Variants in DLGAP2 observed in about 807,000 individuals in gnomAD.
DLGAP2 encodes disks large-associated protein 2.
A neutral mutation model predicts 100.3 loss-of-function variants in DLGAP2; 26 were observed. That is an observed-to-expected ratio of 0.26 (90% CI 0.19 to 0.36). The LOEUF is 0.36. Among genes scored for constraint, DLGAP2 ranks in the 10% least tolerant of loss-of-function variants. The probability of loss-of-function intolerance (pLI) is 1.00; values close to 1 mark genes in which losing one functional copy is unlikely to be tolerated. For synonymous variants in DLGAP2, 886 were observed against 630.1 expected (o/e 1.41, Z -6.08); for missense variants, 1,858 against 1,453.2 (o/e 1.28, Z -4.53).
At chr8:1,417,702 C>T in intron 3 of DLGAP2, among the ~76,000 whole-genome samples, 1 of 146,228 alleles carries the variant, frequency 6.8e-6, no homozygotes, top group Non-Finnish European at 1.5e-5. Context: ...GGGCCCCACT[C>T]CTGCCTCACT....
At chr8:1,531,949 C>G (rs1294409543) in intron 4 of DLGAP2, among the ~76,000 whole-genome samples, 5 of 152,168 alleles carry the variant, frequency 3.3e-5, no homozygotes, top group African/African-American at 1.2e-4. Flanking sequence ...TGGGGCGCAG[C>G]TTGGTTTTAC....
intron 8 of DLGAP2, among the ~76,000 whole-genome samples, chr8:1,667,150 C>T (rs867075701): frequency 2.0e-5 from 3 of 152,206 alleles, no homozygotes; most frequent in Non-Finnish European, 2.9e-5. Context: ...ATCAGCTCTT[C>T]CTGTGCACTA....
At chr8:1,420,414 T>A (rs1429175102) in intron 3 of DLGAP2, among the ~76,000 whole-genome samples, 1 of 152,176 alleles carries the variant, frequency 6.6e-6, no homozygotes, top group Non-Finnish European at 1.5e-5. Context: ...TCTGCGATTC[T>A]CTCTTCCACT....
At chr8:1,599,608 G>C (rs1377467652) in intron 6 of DLGAP2, among the ~76,000 whole-genome samples, 1 of 152,128 alleles carries the variant, frequency 6.6e-6, no homozygotes, top group Non-Finnish European at 1.5e-5. Context: ...TTGTTGCGTT[G>C]ATCCCTTTAC....
At chr8:995,180 G>C (rs1037961083) in intron 2 of DLGAP2, among the ~76,000 whole-genome samples, 1 of 152,080 alleles carries the variant, frequency 6.6e-6, no homozygotes, top group Non-Finnish European at 1.5e-5. Flanking sequence ...ACATTATACT[G>C]TATAAAGCAG....
intron 1 of DLGAP2, among the ~76,000 whole-genome samples, chr8:779,455 C>T (rs756572977): frequency 1.3e-5 from 2 of 148,934 alleles, no homozygotes; most frequent in South Asian, 4.2e-4. Flanking sequence ...TTTTCTTTTC[C>T]CTTCTTTCTT....
chr8:1,173,916 A>G (rs1021036300), intron 2 of DLGAP2, among the ~76,000 whole-genome samples: 6 of 152,138 alleles, frequency 3.9e-5, no homozygotes, highest in African/African-American at 1.2e-4. Context: ...GGCACTCCCT[A>G]GTGAGATGAA....
At chr8:1,086,970 C>T (rs74626432) in intron 2 of DLGAP2, among the ~76,000 whole-genome samples, 3,170 of 152,182 alleles carry the variant, frequency 0.021, 97 homozygotes, top group African/African-American at 0.073. Context: ...CTCAAGCACA[C>T]GTGGAACATT....
At chr8:1,283,109 C>A (rs1359370883) in intron 3 of DLGAP2, among the ~76,000 whole-genome samples, 1 of 149,758 alleles carries the variant, frequency 6.7e-6, no homozygotes, top group Non-Finnish European at 1.5e-5. Flanking sequence ...AACCCAGCGC[C>A]CTGAACCATC....
chr8:1,622,375 G>C (rs576010426), intron 6 of DLGAP2: 5 of 152,226 alleles, frequency 3.3e-5, no homozygotes, highest in African/African-American at 1.2e-4. Flanking sequence ...TAACAAGGGA[G>C]ATGGTTTACG....
At chr8:1,421,974 G>T (rs1797101368) in intron 3 of DLGAP2, among the ~76,000 whole-genome samples, 1 of 151,854 alleles carries the variant, frequency 6.6e-6, no homozygotes, top group East Asian at 1.9e-4. Context: ...TCAAAAAAAA[G>T]AAAAAAGAAA....
At chr8:957,139 G>A (rs1377902095) in intron 2 of DLGAP2, among the ~76,000 whole-genome samples, 3 of 152,224 alleles carry the variant, frequency 2.0e-5, no homozygotes, top group African/African-American at 7.2e-5. Flanking sequence ...GAAACATGGG[G>A]AATGAGGCCT....
intron 2 of DLGAP2, among the ~76,000 whole-genome samples, chr8:1,214,621 C>T (rs938923048): frequency 3.3e-5 from 5 of 152,208 alleles, no homozygotes; most frequent in East Asian, 1.9e-4. Context: ...GATCATGTGT[C>T]TGCTTCTTCC....
At chr8:1,172,785 C>T (rs1385179075) in intron 2 of DLGAP2, among the ~76,000 whole-genome samples, 2 of 152,162 alleles carry the variant, frequency 1.3e-5, no homozygotes, top group Non-Finnish European at 2.9e-5. Flanking sequence ...ATACATTCTT[C>T]TAAATTTTTT....
intron 3 of DLGAP2, among the ~76,000 whole-genome samples, chr8:1,357,459 C>T (rs1355180788): frequency 1.3e-5 from 2 of 149,618 alleles, no homozygotes; most frequent in Non-Finnish European, 1.5e-5. Context: ...TATCAGGAGT[C>T]GTCTAATGTA....
At chr8:895,617 G>T (rs138617397) in intron 1 of DLGAP2, among the ~76,000 whole-genome samples, 1 of 152,196 alleles carries the variant, frequency 6.6e-6, no homozygotes, top group Non-Finnish European at 1.5e-5. Context: ...CATTGCAGTG[G>T]GTTTTGAGCA....
At chr8:1,488,181 TC>T (rs1027362153) in intron 3 of DLGAP2, among the ~76,000 whole-genome samples, 2 of 151,944 alleles carry the variant, frequency 1.3e-5, no homozygotes, top group African/African-American at 4.8e-5. Context: ...CACACAGTCC[TC>T]CCCACACTGT....
chr8:1,303,119 G>C (rs1039940978), intron 3 of DLGAP2, among the ~76,000 whole-genome samples: 4 of 152,124 alleles, frequency 2.6e-5, no homozygotes, highest in African/African-American at 7.2e-5. Flanking sequence ...AGGAAGGGGT[G>C]GGGCGCGGTG....
rs774529893 is a variant in DLGAP2, at chr8:1,549,064, G to A, written c.611G>A (p.Arg204Gln). The A allele has an allele frequency of 1.9e-6, 3 of 1,589,726 alleles. No homozygotes were observed. Among genetic ancestry groups the A allele is most frequent in the East Asian group, 2.3e-5 (1 of 43,810 alleles). Residue 204 changes from arginine (R) to glutamine (Q), a missense_variant, in exon 5 of 15, where the codon CGG becomes CAG. Arg to Gln is a conservative substitution (Grantham distance 43). Coordinates refer to ENST00000637795, the MANE Select transcript of DLGAP2 (RefSeq NM_001346810.2). ...DQFEKQLPLH[R>Q]DGFHTLQYQR... ...TTCGAGAAGCAGCTGCCGCTGCACC[G>A]GGACGGCTTCCACACGCTGCAGTAC...
Sources: gnomAD v4.1 joint callset for allele counts (sites outside exome capture counted in the v4.1 genomes callset) on GRCh38, gnomAD v4.1.1 for gene constraint, MANE v1.5 for transcripts, NCBI Gene and HGNC (gene_info 2026-07-23, HGNC 2026-07-21) for gene names.